Variants in ZNF385D observed in about 807,000 individuals in gnomAD.
ZNF385D encodes the protein zinc finger protein 659.
A neutral mutation model predicts 35.8 loss-of-function variants in ZNF385D; 15 were observed. The ratio of observed to expected loss-of-function variants is 0.42; its 90% CI spans 0.28 to 0.64. The LOEUF (loss-of-function observed/expected upper bound fraction) is 0.64, where lower values mean the gene tolerates loss of function less well. Among genes scored for constraint, ZNF385D ranks in the 30% least tolerant of loss-of-function variants. The pLI, the probability that ZNF385D is intolerant of heterozygous loss-of-function variation, is 0.23. For missense variants in ZNF385D, 474 were observed against 494.6 expected (o/e 0.96, Z 0.39); for synonymous variants, 212 against 186.8 (o/e 1.13, Z -1.10).
chr3:22,339,075 A>G (rs1695306026), intron 2 of ZNF385D, among the ~76,000 whole-genome samples: 1 of 152,156 alleles, frequency 6.6e-6, no homozygotes, highest in South Asian at 2.1e-4. Flanking sequence ...CACATTATAA[A>G]TGTGTGTGCA....
At chr3:21,467,610 G>A (rs995732152) in intron 4 of ZNF385D, among the ~76,000 whole-genome samples, 1 of 152,140 alleles carries the variant, frequency 6.6e-6, no homozygotes, top group Non-Finnish European at 1.5e-5. Context: ...TTAGATGCCT[G>A]GTGTCAATGG....
At chr3:21,523,002 A>G (rs1269194487) in intron 3 of ZNF385D, among the ~76,000 whole-genome samples, 1 of 152,126 alleles carries the variant, frequency 6.6e-6, no homozygotes, top group Non-Finnish European at 1.5e-5. Context: ...TCTTGGAGGA[A>G]GAGTTTAGTG....
intron 2 of ZNF385D, among the ~76,000 whole-genome samples, chr3:21,636,413 T>TATATAGAGAG (rs771464149): frequency 7.8e-5 from 2 of 25,638 alleles, no homozygotes; most frequent in African/African-American, 2.6e-4. Context: ...TATATATATA[T>TATATAGAGAG]AGAGTTTCTT....
At chr3:21,503,715 G>A (rs1275097404) in intron 4 of ZNF385D, among the ~76,000 whole-genome samples, 3 of 152,202 alleles carry the variant, frequency 2.0e-5, no homozygotes, top group South Asian at 4.2e-4. Context: ...GTTTCCAGGT[G>A]TATTTGTTTT....
At chr3:21,566,194 G>A (rs1056353753) in intron 2 of ZNF385D, among the ~76,000 whole-genome samples, 1 of 152,144 alleles carries the variant, frequency 6.6e-6, no homozygotes, top group Non-Finnish European at 1.5e-5. Flanking sequence ...AGTGATAAAG[G>A]AGTAGAACTC....
intron 3 of ZNF385D, among the ~76,000 whole-genome samples, chr3:22,035,062 T>C (rs768340734): frequency 1.3e-5 from 2 of 152,188 alleles, no homozygotes; most frequent in Non-Finnish European, 2.9e-5. Flanking sequence ...CTGTTGTTCA[T>C]GCAAGAAAAT....
intron 2 of ZNF385D, among the ~76,000 whole-genome samples, chr3:22,201,167 G>A (rs1461490888): frequency 1.3e-5 from 2 of 152,066 alleles, no homozygotes; most frequent in Non-Finnish European, 2.9e-5. Context: ...GTAAAGACAG[G>A]CATAAGAAAT....
intron 3 of ZNF385D, among the ~76,000 whole-genome samples, chr3:21,768,013 A>G (rs943618851): frequency 1.3e-5 from 2 of 152,078 alleles, no homozygotes; most frequent in Non-Finnish European, 2.9e-5. Context: ...AGTACATCCT[A>G]AGCATGAGGG....
chr3:21,547,308 C>CCTCCCT (rs2062409294), intron 3 of ZNF385D, among the ~76,000 whole-genome samples: 1 of 152,112 alleles, frequency 6.6e-6, no homozygotes, highest in African/African-American at 2.4e-5. Context: ...GGGCTTTTGG[C>CCTCCCT]CTCCCTCTCC....
chr3:21,488,152 G>A (rs1705168070), intron 4 of ZNF385D, among the ~76,000 whole-genome samples: 1 of 151,736 alleles, frequency 6.6e-6, no homozygotes, highest in Admixed American at 6.6e-5. Context: ...AAAATTATAT[G>A]TCTCGTTCCT....
chr3:21,648,731 T>C (rs1051787924), intron 2 of ZNF385D, among the ~76,000 whole-genome samples: 3 of 152,044 alleles, frequency 2.0e-5, no homozygotes, highest in African/African-American at 7.2e-5. Context: ...AAGCCTCTAC[T>C]AAGAAAAAAG....
intron 3 of ZNF385D, among the ~76,000 whole-genome samples, chr3:22,057,634 C>A: frequency 6.6e-6 from 1 of 151,838 alleles, no homozygotes; most frequent in Admixed American, 6.6e-5. Flanking sequence ...CTCAACCTCC[C>A]GAGTAGCTGG....
intron 3 of ZNF385D, among the ~76,000 whole-genome samples, chr3:21,816,095 T>C (rs906620750): frequency 2.6e-5 from 4 of 152,174 alleles, no homozygotes; most frequent in African/African-American, 4.8e-5. Context: ...ATTATCTCCA[T>C]AGATGCAGAA....
chr3:22,087,353 A>T (rs1701099960), intron 3 of ZNF385D, among the ~76,000 whole-genome samples: 1 of 152,178 alleles, frequency 6.6e-6, no homozygotes, highest in African/African-American at 2.4e-5. Context: ...CACTCAGAGA[A>T]ATAAAAAGAT....
intron 3 of ZNF385D, among the ~76,000 whole-genome samples, chr3:22,163,835 A>G (rs531964480): frequency 2.6e-5 from 4 of 152,228 alleles, no homozygotes; most frequent in Non-Finnish European, 5.9e-5. Flanking sequence ...TCATTTTGCA[A>G]TTGTGCATGT....
At chr3:22,095,042 G>A (rs1052412581) in intron 3 of ZNF385D, among the ~76,000 whole-genome samples, 1 of 151,184 alleles carries the variant, frequency 6.6e-6, no homozygotes, top group Non-Finnish European at 1.5e-5. Context: ...CCAACAGTTA[G>A]GACTACAGAC....
intron 1 of ZNF385D, among the ~76,000 whole-genome samples, chr3:21,686,173 G>C (rs1456907007): frequency 1.3e-5 from 2 of 152,158 alleles, no homozygotes; most frequent in East Asian, 1.9e-4. Context: ...TGATTTGTTA[G>C]TTGTAGATAT....
intron 3 of ZNF385D, among the ~76,000 whole-genome samples, chr3:21,816,477 C>T (rs1469652835): frequency 6.6e-6 from 1 of 152,178 alleles, no homozygotes. Context: ...GCAACTTCAG[C>T]AAAGTCTCAA....
At chr3:21,790,872 G>T (rs948643235) in intron 3 of ZNF385D, among the ~76,000 whole-genome samples, 1 of 152,146 alleles carries the variant, frequency 6.6e-6, no homozygotes, top group East Asian at 1.9e-4. Context: ...AAATTTGATA[G>T]CTAGATTTTT....
Sources: gnomAD v4.1 joint callset for allele counts (sites outside exome capture counted in the v4.1 genomes callset) on GRCh38, gnomAD v4.1.1 for gene constraint, MANE v1.5 for transcripts, NCBI Gene and HGNC (gene_info 2026-07-23, HGNC 2026-07-21) for gene names.